Variants in SLC4A8 observed in about 807,000 individuals in gnomAD.
SLC4A8 encodes electroneutral sodium bicarbonate exchanger 1.
A neutral mutation model predicts 125.0 loss-of-function variants in SLC4A8; 40 were observed. The observed-to-expected ratio is 0.32, with a 90% CI of 0.25 to 0.42. SLC4A8 has a LOEUF of 0.42. SLC4A8 is among the 10% of genes least tolerant of loss of function. The pLI is 1.00. For synonymous variants in SLC4A8, 456 were observed against 476.0 expected (o/e 0.96, Z 0.55); for missense variants, 863 against 1,355.1 (o/e 0.64, Z 5.70).
At chr12:51,418,585 C>A (rs1462536522) in intron 1 of SLC4A8, among the ~76,000 whole-genome samples, 1 of 152,024 alleles carries the variant, frequency 6.6e-6, no homozygotes, top group Non-Finnish European at 1.5e-5. Flanking sequence ...CTTATATTTT[C>A]TGTTGGTTTG....
chr12:51,440,793 A>G lies in SLC4A8; in HGVS notation c.130+4A>G. ...TATGAAAAAGAAGAGCTGGAAGGTA[A>G]GAACTGCCATGCTGTGTGATCAGGG... On this transcript the variant is annotated splice_donor_region_variant and intron_variant, in intron 2 of 24. Coordinates refer to ENST00000453097, the MANE Select transcript of SLC4A8 (RefSeq NM_001039960.3). The G allele has an allele frequency of 6.2e-7, 1 of 1,605,248 alleles. No individual in the cohort carries two copies. Among genetic ancestry groups the G allele is most frequent in the South Asian group, 1.1e-5 (1 of 89,500 alleles).
intron 1 of SLC4A8, among the ~76,000 whole-genome samples, chr12:51,399,832 A>C (rs150372650): frequency 2.7e-4 from 41 of 152,332 alleles, no homozygotes; most frequent in African/African-American, 8.9e-4. Flanking sequence ...AATACAAAAA[A>C]TTAGCTGGGC....
chr12:51,415,898 A>G (rs920229986), intron 1 of SLC4A8, among the ~76,000 whole-genome samples: 4 of 150,290 alleles, frequency 2.7e-5, no homozygotes, highest in Non-Finnish European at 5.9e-5. Flanking sequence ...ATGCAAATGT[A>G]CCCCCGAATC....
chr12:51,450,795 C>T, intron 2 of SLC4A8, 81 bp from the exon 3 acceptor site: 1 of 1,488,038 alleles, frequency 6.7e-7, no homozygotes, highest in Admixed American at 1.8e-5. Context: ...ATTTTTTTCT[C>T]TTAACTATGC....
chr12:51,401,150 G>T (rs559106913), intron 1 of SLC4A8, among the ~76,000 whole-genome samples: 2 of 152,120 alleles, frequency 1.3e-5, no homozygotes, highest in East Asian at 1.9e-4. Context: ...TTCCTCTGTC[G>T]CCAGTTAGTG....
chr12:51,398,781 G>A (rs543750816), intron 1 of SLC4A8, among the ~76,000 whole-genome samples: 3 of 152,240 alleles, frequency 2.0e-5, no homozygotes, highest in Non-Finnish European at 2.9e-5. Flanking sequence ...AGAGAGTCTC[G>A]CTCTGTCGCG....
chr12:51,507,409 G>A lies in SLC4A8; in HGVS notation c.3270-17G>A. On this transcript the variant is annotated splice_polypyrimidine_tract_variant and intron_variant, in intron 24 of 24. Transcript: ENST00000453097. ...TCATATGTTCCCTTTTTGTCTAATT[G>A]TAACACTTTTATTCAGTCTCTTCAA... 7.3e-7 allele frequency: 1 copy of A among 1,375,218 alleles called. No homozygotes were observed. The highest frequency in any genetic ancestry group is 9.5e-7 in the Non-Finnish European group (1 of 1,053,708). 85.2% of individuals were successfully genotyped at this position (1,375,218 alleles called of 1,614,324 possible).
At chr12:51,457,602 C>T in intron 6 of SLC4A8, 63 bp downstream of exon 6, 1 of 1,457,136 alleles carries the variant, frequency 6.9e-7, no homozygotes, top group Admixed American at 1.8e-5. Flanking sequence ...GTTGGAGATG[C>T]TGACTTACTA....
chr12:51,470,043 G>A (rs1293246360), intron 12 of SLC4A8, among the ~76,000 whole-genome samples: 2 of 152,080 alleles, frequency 1.3e-5, no homozygotes, highest in Non-Finnish European at 2.9e-5. Context: ...GATGGAAAAT[G>A]GATATATTGA....
chr12:51,464,758 A>G (rs1950460229), intron 11 of SLC4A8, among the ~76,000 whole-genome samples: 1 of 152,126 alleles, frequency 6.6e-6, no homozygotes, highest in South Asian at 2.1e-4. Flanking sequence ...TTACTCTTCT[A>G]TCCTCAGCAC....
In SLC4A8 at chr12:51,505,894, C is replaced by T. The variant is rs749399082; in HGVS notation, c.3233C>T (p.Ala1078Val). ...ATGCCTAAAACTACAGTTTGGAAAGCTCTCAGTATGAATTCTGGAAATGCA... is the reference window on the plus strand; with the variant it reads ...ATGCCTAAAACTACAGTTTGGAAAGTTCTCAGTATGAATTCTGGAAATGCA... ...DEMPKTTVWK[A>V]LSMNSGNAKE... The change falls in exon 24 of 25, where the codon GCT (alanine) becomes GTT (valine). Residue 1078 changes from alanine to valine, a missense_variant. Around this residue, in one of 6 missense-constraint regions of SLC4A8, gnomAD observed 92 missense variants for 125.6 expected, o/e 0.73. Coordinates refer to ENST00000453097, the MANE Select transcript of SLC4A8 (RefSeq NM_001039960.3). 6.3e-7 allele frequency: 1 copy of T among 1,583,580 alleles called. No individual in the cohort carries two copies. Among genetic ancestry groups the T allele is most frequent in the Non-Finnish European group, 8.7e-7 (1 of 1,154,526 alleles).
intron 20 of SLC4A8, chr12:51,494,413 C>CTTTTTTTTTTTTTTTT: frequency 7.5e-6 from 1 of 132,954 alleles, no homozygotes; most frequent in African/African-American, 2.9e-5. Context: ...TCTTTTTTTT[C>CTTTTTTTTTTTTTTTT]TTTTTTTTTT....
chr12:51,483,739 T>C (rs954841714), intron 16 of SLC4A8, among the ~76,000 whole-genome samples: 2 of 152,030 alleles, frequency 1.3e-5, no homozygotes, highest in African/African-American at 4.8e-5. Context: ...TAACAGGGAT[T>C]CTTTTTTTTT....
intron 2 of SLC4A8, among the ~76,000 whole-genome samples, chr12:51,441,715 C>G (rs527750492): frequency 1.3e-5 from 2 of 152,342 alleles, no homozygotes; most frequent in African/African-American, 4.8e-5. Context: ...GAAATGTTCT[C>G]TCTGTACTGC....
At chr12:51,462,275 T>G (rs1950351619) in intron 9 of SLC4A8, 35 bp from the exon 10 acceptor site, 1 of 1,599,674 alleles carries the variant, frequency 6.3e-7, no homozygotes, top group African/African-American at 1.3e-5. Context: ...GTAAAGTTAC[T>G]TTTAACTTTC....
chr12:51,414,990 A>G lies in SLC4A8; in HGVS notation c.-112+23502A>G, dbSNP rs554524125. Among the ~76,000 whole-genome samples the G allele has an allele frequency of 1.5e-4, 23 of 152,328 alleles. No homozygotes were observed. In the South Asian group the frequency reaches 4.8e-3, roughly 32 times the overall value. ...TTTGCATATGTTCAGCCATTCTTGC[A>G]TCCCTGCGATAAATCCCACTTGATT... On this transcript the variant is annotated intron_variant, in intron 1 of 24. Coordinates refer to the SLC4A8 transcript ENST00000358657.
At chr12:51,428,251 T>C (rs901345312) in intron 1 of SLC4A8, among the ~76,000 whole-genome samples, 4 of 152,222 alleles carry the variant, frequency 2.6e-5, no homozygotes, top group Non-Finnish European at 5.9e-5. Context: ...TTATAACATA[T>C]GACTTACCTG....
chr12:51,459,762 C>G (rs929572073), intron 7 of SLC4A8, among the ~76,000 whole-genome samples, 189 bp from the exon 8 acceptor site: 2 of 152,112 alleles, frequency 1.3e-5, no homozygotes, highest in African/African-American at 4.8e-5. Context: ...ATTCCAGCTA[C>G]TAGGGAGCCT....
intron 20 of SLC4A8, chr12:51,494,433 T>C (rs952504134): frequency 2.0e-5 from 3 of 149,688 alleles, no homozygotes; most frequent in African/African-American, 7.4e-5. Context: ...TTTTTTCCTA[T>C]GGCCATTCTT....
Sources: allele counts gnomAD v4.1 joint callset (sites outside exome capture counted in the v4.1 genomes callset), GRCh38; gene constraint gnomAD v4.1.1; regional missense constraint gnomAD v4.1.1; transcripts MANE v1.5; gene names NCBI Gene and HGNC (gene_info 2026-07-23, HGNC 2026-07-21).